CEP112: variants seen among roughly 807,000 people sequenced by gnomAD.
CEP112 encodes the protein centrosomal protein of 112 kDa.
CEP112 carries 127 observed loss-of-function variants against 153.0 expected under a neutral mutation model. That is an observed-to-expected ratio of 0.83 (90% CI 0.72 to 0.96). The LOEUF (loss-of-function observed/expected upper bound fraction) is 0.96. CEP112 is among the 40% of genes least tolerant of loss of function. CEP112 has a pLI of 0.00. For synonymous variants in CEP112, 358 were observed against 374.4 expected (o/e 0.96, Z 0.51); for missense variants, 1,089 against 1,101.2 (o/e 0.99, Z 0.16).
chr17:66,020,421 A>G (rs1256989416), intron 16 of CEP112, among the ~76,000 whole-genome samples: 1 of 152,196 alleles, frequency 6.6e-6, no homozygotes, highest in Non-Finnish European at 1.5e-5. Context: ...CTTCCTATAC[A>G]CTAAGCTCAT....
intron 18 of CEP112, among the ~76,000 whole-genome samples, chr17:65,929,744 T>C (rs2061057988): frequency 6.6e-6 from 1 of 152,216 alleles, no homozygotes; most frequent in African/African-American, 2.4e-5. Flanking sequence ...AATCAATAAA[T>C]ACTAATCAAA....
intron 12 of CEP112, among the ~76,000 whole-genome samples, chr17:66,033,878 A>G (rs751050088): frequency 2.6e-5 from 4 of 152,178 alleles, no homozygotes; most frequent in Non-Finnish European, 5.9e-5. Flanking sequence ...ACATTTGCCA[A>G]TTATCAAAAC....
At chr17:65,982,470 T>C (rs2063264011) in intron 17 of CEP112, among the ~76,000 whole-genome samples, 1 of 152,222 alleles carries the variant, frequency 6.6e-6, no homozygotes, top group South Asian at 2.1e-4. Context: ...TCAGACAACA[T>C]TTCAACTGAT....
intron 11 of CEP112, among the ~76,000 whole-genome samples, chr17:66,055,700 T>C (rs2066652076): frequency 6.6e-6 from 1 of 152,146 alleles, no homozygotes; most frequent in Non-Finnish European, 1.5e-5. Flanking sequence ...AGTTGTTTTA[T>C]AAAGGGACCG....
At chr17:65,836,811 C>T (rs984959336) in intron 21 of CEP112, among the ~76,000 whole-genome samples, 1 of 151,852 alleles carries the variant, frequency 6.6e-6, no homozygotes, top group African/African-American at 2.4e-5. Context: ...CCCTCTCCCT[C>T]TCCCCATCCC....
chr17:66,024,853 A>G (rs2065135814), intron 16 of CEP112, among the ~76,000 whole-genome samples: 1 of 152,158 alleles, frequency 6.6e-6, no homozygotes, highest in Non-Finnish European at 1.5e-5. Flanking sequence ...TCCAAAGCAA[A>G]AAGAACAACA....
intron 5 of CEP112, 150 bp from the exon 6 acceptor site, chr17:66,129,973 AGGGAT>A: frequency 1.9e-6 from 1 of 525,186 alleles, no homozygotes; most frequent in Non-Finnish European, 3.4e-6. Flanking sequence ...GAAGAAAGGA[AGGGAT>A]GAAAAGAAGG....
chr17:66,086,757 C>T lies in CEP112; in HGVS notation c.768+9494G>A, dbSNP rs191615259. Among the ~76,000 whole-genome samples the T allele has an allele frequency of 7.8e-4, 118 of 150,790 alleles. 2 individuals carry two copies. In the South Asian group the frequency reaches 8.5e-3, roughly 11 times the overall value. On this transcript the variant is annotated intron_variant, in intron 8 of 26. Transcript: ENST00000535342. ...AACACATAGAGAAAAGAAAAAAAAA[C>T]GTAAATATATTACCAGTATTTTTTA...
chr17:65,635,547 A>G lies in CEP112; in HGVS notation c.*424T>C, dbSNP rs2044729856. The stretch of plus-strand genomic sequence containing the variant: ...AAGTAGAAATAAAACTGGTAAGTAC[A>G]AAATAATATTTTAATAACATAGGAA... On this transcript the variant is annotated 3_prime_UTR_variant, in exon 27 of 27. Coordinates refer to ENST00000535342, the MANE Select transcript of CEP112 (RefSeq NM_001199165.4). 1 of 177,048 alleles carries G rather than the reference A, an allele frequency of 5.6e-6. No homozygotes were observed. The highest frequency in any genetic ancestry group is 2.4e-5 in the African/African-American group (1 of 42,552). 11.0% of individuals were successfully genotyped at this position (177,048 alleles called of 1,614,324 possible). A position where few individuals can be genotyped will look rare whatever the true frequency, so the allele number is the denominator to read the frequency against.
At chr17:66,060,611 A>G (rs2066885914) in intron 11 of CEP112, among the ~76,000 whole-genome samples, 2 of 152,196 alleles carry the variant, frequency 1.3e-5, no homozygotes, top group African/African-American at 4.8e-5. Flanking sequence ...ACACATTTAC[A>G]GCCAGCTGAT....
intron 19 of CEP112, among the ~76,000 whole-genome samples, chr17:65,905,597 G>A (rs2060041588): frequency 6.6e-6 from 1 of 152,134 alleles, no homozygotes; most frequent in South Asian, 2.1e-4. Flanking sequence ...TCCCATTACT[G>A]GGTATATACC....
intron 17 of CEP112, among the ~76,000 whole-genome samples, chr17:65,971,070 T>C (rs1030670246): frequency 1.3e-5 from 2 of 152,248 alleles, no homozygotes; most frequent in African/African-American, 2.4e-5. Context: ...CATACATGCA[T>C]GTCACATGTC....
chr17:66,183,335 A>G, intron 1 of CEP112, 28 bp from the exon 2 acceptor site: 1 of 1,478,020 alleles, frequency 6.8e-7, no homozygotes, highest in Non-Finnish European at 9.4e-7. Context: ...TCAAAATATT[A>G]AGGATTTGTA....
At chr17:65,896,371 T>G (rs2059659226) in intron 20 of CEP112, among the ~76,000 whole-genome samples, 1 of 152,032 alleles carries the variant, frequency 6.6e-6, no homozygotes, top group Non-Finnish European at 1.5e-5. Flanking sequence ...ATACACTAGT[T>G]TTATGCCTTC....
intron 12 of CEP112, among the ~76,000 whole-genome samples, chr17:66,049,083 G>A (rs747746881): frequency 2.7e-4 from 41 of 152,054 alleles, no homozygotes; most frequent in Non-Finnish European, 5.6e-4. Flanking sequence ...CTTGCTGATC[G>A]CACATGGGAA....
intron 24 of CEP112, among the ~76,000 whole-genome samples, chr17:65,662,811 G>A (rs1225720567): frequency 2.0e-5 from 3 of 152,124 alleles, no homozygotes; most frequent in African/African-American, 7.2e-5. Flanking sequence ...ACACATTATG[G>A]TGAAAATTCC....
At chr17:65,772,365 C>G (rs1404068619) in intron 21 of CEP112, among the ~76,000 whole-genome samples, 1 of 152,012 alleles carries the variant, frequency 6.6e-6, no homozygotes, top group African/African-American at 2.4e-5. Flanking sequence ...ATGTATAGAT[C>G]TGAAAAAGAA....
intron 4 of CEP112, among the ~76,000 whole-genome samples, chr17:66,138,798 A>G (rs1283961911): frequency 1.3e-5 from 2 of 152,208 alleles, no homozygotes; most frequent in African/African-American, 4.8e-5. Flanking sequence ...AAGGAATTAT[A>G]TAACAGTCAG....
At chr17:65,675,873 T>C (rs115700084) in intron 24 of CEP112, among the ~76,000 whole-genome samples, 2,475 of 152,140 alleles carry the variant, frequency 0.016, 72 homozygotes, top group African/African-American at 0.056. Context: ...CTTCAAAAGA[T>C]GGAGAAAAGG....
Sources: gnomAD v4.1 joint callset for allele counts (sites outside exome capture counted in the v4.1 genomes callset) on GRCh38, gnomAD v4.1.1 for gene constraint, MANE v1.5 for transcripts, NCBI Gene and HGNC (gene_info 2026-07-23, HGNC 2026-07-21) for gene names.